Variants in GPC5 observed in about 807,000 individuals in gnomAD.
GPC5 encodes glypican-5.
In GPC5, 47 loss-of-function variants were observed where a neutral mutation model predicts 53.9. The observed-to-expected ratio is 0.87, with a 90% confidence interval of 0.69 to 1.11. The LOEUF (loss-of-function observed/expected upper bound fraction) is 1.11. Among genes scored for constraint, GPC5 ranks in the 50% most tolerant of loss-of-function variants. GPC5 has a pLI of 0.00. For missense variants in GPC5, 748 were observed against 713.1 expected, an observed-to-expected ratio of 1.05 and a Z score of -0.56; for synonymous variants, 286 against 263.3, an observed-to-expected ratio of 1.09 and a Z score of -0.84.
intron 2 of GPC5, among the ~76,000 whole-genome samples, chr13:91,634,821 A>T (rs1410954768): frequency 1.3e-5 from 2 of 152,100 alleles, no homozygotes; most frequent in African/African-American, 4.8e-5. Context: ...CATTTAATAA[A>T]TGCATATGAT....
chr13:92,816,133 G>A (rs1462610152), intron 7 of GPC5, among the ~76,000 whole-genome samples: 1 of 152,028 alleles, frequency 6.6e-6, no homozygotes, highest in Non-Finnish European at 1.5e-5. Flanking sequence ...ATTCTGAAAT[G>A]TATCCAAATT....
At chr13:92,857,429 C>A (rs1474829246) in intron 7 of GPC5, among the ~76,000 whole-genome samples, 1 of 152,022 alleles carries the variant, frequency 6.6e-6, no homozygotes, top group African/African-American at 2.4e-5. Flanking sequence ...ATGACCAAGT[C>A]CTTAAAAGCA....
At chr13:91,917,919 A>C (rs1445292831) in intron 6 of GPC5, among the ~76,000 whole-genome samples, 2 of 152,200 alleles carry the variant, frequency 1.3e-5, no homozygotes, top group Non-Finnish European at 2.9e-5. Flanking sequence ...TCCCAGTTCC[A>C]AAGTCACTTC....
At chr13:92,336,692 G>A (rs1926642) in intron 7 of GPC5, among the ~76,000 whole-genome samples, 61,239 of 151,832 alleles carry the variant, frequency 0.4, 12,472 homozygotes, top group Middle Eastern at 0.51. Flanking sequence ...ATGGTATATA[G>A]TGATGAAAAC....
intron 6 of GPC5, among the ~76,000 whole-genome samples, chr13:92,118,646 A>G (rs1357405330): frequency 6.6e-6 from 1 of 150,850 alleles, no homozygotes; most frequent in South Asian, 2.1e-4. Context: ...CATGGGTTAG[A>G]AAAAAAAGCC....
At chr13:92,617,808 T>A (rs558238328) in intron 7 of GPC5, among the ~76,000 whole-genome samples, 49 of 152,304 alleles carry the variant, frequency 3.2e-4, no homozygotes, top group African/African-American at 1.2e-3. Flanking sequence ...ACTATAGGTG[T>A]TACATACTTA....
At chr13:92,046,318 T>C (rs953068480) in intron 6 of GPC5, among the ~76,000 whole-genome samples, 6 of 152,218 alleles carry the variant, frequency 3.9e-5, no homozygotes, top group African/African-American at 1.4e-4. Context: ...AAAGAACTTT[T>C]GTTTGAAATG....
At chr13:92,442,268 C>T (rs957354982) in intron 7 of GPC5, among the ~76,000 whole-genome samples, 8 of 152,092 alleles carry the variant, frequency 5.3e-5, no homozygotes, top group African/African-American at 1.7e-4. Context: ...TCCAACTCTC[C>T]TCATTAGGTT....
intron 7 of GPC5, among the ~76,000 whole-genome samples, chr13:92,178,507 ACTATT>A (rs753792462): frequency 6.6e-6 from 1 of 150,512 alleles, no homozygotes; most frequent in Non-Finnish European, 1.5e-5. Flanking sequence ...CTATATATAT[ACTATT>A]ATTAAATTTT....
At chr13:92,657,174 T>C (rs1346933264) in intron 7 of GPC5, among the ~76,000 whole-genome samples, 1 of 152,192 alleles carries the variant, frequency 6.6e-6, no homozygotes, top group African/African-American at 2.4e-5. Context: ...AGGTTAATAA[T>C]AAACATGATA....
chr13:92,166,938 TCTCTCTCTCTCTCTCTCTCACACACA>T (rs2042032429), intron 7 of GPC5, among the ~76,000 whole-genome samples: 4 of 106,338 alleles, frequency 3.8e-5, no homozygotes, highest in African/African-American at 1.6e-4. Context: ...TCTCTCTCTC[TCTCTCTCTCTCTCTCTCTCACACACA>T]CACACACACA....
intron 6 of GPC5, among the ~76,000 whole-genome samples, chr13:91,985,027 T>TA (rs2040393962): frequency 6.6e-6 from 1 of 152,230 alleles, no homozygotes; most frequent in Admixed American, 6.5e-5. Flanking sequence ...ATATTTTATA[T>TA]GTTTTTTCTA....
At chr13:91,452,424 G>T (rs564068389) in intron 2 of GPC5, among the ~76,000 whole-genome samples, 2 of 152,096 alleles carry the variant, frequency 1.3e-5, no homozygotes, top group East Asian at 3.9e-4. Context: ...AATAAGTAGT[G>T]CTGTTTGCAA....
chr13:92,363,323 CA>C (rs1566557523), intron 7 of GPC5, among the ~76,000 whole-genome samples: 1 of 151,552 alleles, frequency 6.6e-6, no homozygotes, highest in African/African-American at 2.4e-5. Flanking sequence ...GGCCCTAGAC[CA>C]GAGGTCCCCA....
chr13:91,425,228 G>A (rs976621866), intron 1 of GPC5, among the ~76,000 whole-genome samples: 1 of 152,064 alleles, frequency 6.6e-6, no homozygotes, highest in Non-Finnish European at 1.5e-5. Context: ...ATTTCAAAGT[G>A]CTTTTCACCT....
chr13:92,504,641 A>C (rs1229535289), intron 7 of GPC5, among the ~76,000 whole-genome samples: 5 of 152,008 alleles, frequency 3.3e-5, no homozygotes, highest in African/African-American at 1.2e-4. Context: ...GGCCGGACAC[A>C]GAGATCAGTG....
intron 2 of GPC5, among the ~76,000 whole-genome samples, chr13:91,679,864 C>G (rs2139723742): frequency 6.6e-6 from 1 of 152,182 alleles, no homozygotes; most frequent in East Asian, 1.9e-4. Context: ...AGTAATGGCT[C>G]TCTCAATGAA....
At position 91,827,033 on chromosome 13, in the gene GPC5, T is replaced by A. The variant is rs529157074; in HGVS notation, c.1280+70613T>A. Among the ~76,000 whole-genome samples, 8 of 151,930 alleles carry A rather than the reference T, an allele frequency of 5.3e-5. No individual in the cohort carries two copies. In the South Asian group the frequency reaches 8.3e-4, roughly 16 times the overall value. On this transcript the variant is annotated intron_variant, in intron 5 of 7. Transcript: ENST00000377067. Reference sequence around the variant, plus strand: ...GTGTTTGGTAGCATAATAGGGTGAATTTAAGTAACAATAAGTCTATATTTA... The same window carrying A: ...GTGTTTGGTAGCATAATAGGGTGAAATTAAGTAACAATAAGTCTATATTTA...
chr13:91,568,954 C>T (rs2031660475), intron 2 of GPC5, among the ~76,000 whole-genome samples: 1 of 151,912 alleles, frequency 6.6e-6, no homozygotes, highest in Admixed American at 6.6e-5. Context: ...TTTTACCATG[C>T]TGGCCAGGCT....
Sources: allele counts gnomAD v4.1 joint callset (sites outside exome capture counted in the v4.1 genomes callset), GRCh38; gene constraint gnomAD v4.1.1; transcripts MANE v1.5; gene names NCBI Gene and HGNC (gene_info 2026-07-23, HGNC 2026-07-21).